DNAJC12: variants seen among roughly 807,000 people sequenced by gnomAD.
DNAJC12 encodes dnaJ homolog subfamily C member 12.
In DNAJC12, 25 loss-of-function variants were observed where a neutral mutation model predicts 28.5. That is an observed-to-expected ratio of 0.88 (90% CI 0.64 to 1.22). DNAJC12 has a LOEUF of 1.22. Among genes scored for constraint, DNAJC12 ranks in the 50% most tolerant of loss-of-function variants. The probability of loss-of-function intolerance (pLI) is 0.00; values close to 1 mark genes in which losing one functional copy is unlikely to be tolerated. For missense variants in DNAJC12, 222 were observed against 231.7 expected (o/e 0.96, Z 0.27); for synonymous variants, 77 against 80.6 (o/e 0.95, Z 0.24).
chr10:67,822,483 G>T (rs1841990230), intron 2 of DNAJC12, among the ~76,000 whole-genome samples: 1 of 151,822 alleles, frequency 6.6e-6, no homozygotes, highest in Non-Finnish European at 1.5e-5. Context: ...ATCAACTGTG[G>T]ACTTCCTTTT....
chr10:67,816,549 T>C (rs946865972), intron 2 of DNAJC12, among the ~76,000 whole-genome samples: 2 of 148,434 alleles, frequency 1.3e-5, no homozygotes, highest in African/African-American at 4.9e-5. Flanking sequence ...CTTTCTTTTT[T>C]TTTTTTTTTT....
intron 3 of DNAJC12, among the ~76,000 whole-genome samples, chr10:67,807,516 T>TA (rs1841815724): frequency 1.3e-5 from 2 of 152,232 alleles, no homozygotes; most frequent in African/African-American, 4.8e-5. Context: ...GACTTTTGTT[T>TA]GGTTGGTTTA....
At chr10:67,831,682 A>G (rs140826712) in intron 1 of DNAJC12, among the ~76,000 whole-genome samples, 3 of 152,332 alleles carry the variant, frequency 2.0e-5, no homozygotes, top group East Asian at 1.9e-4. Context: ...ATTGTTCTCA[A>G]ATTGTTTCCT....
chr10:67,814,267 G>T (rs1841891855), intron 2 of DNAJC12, among the ~76,000 whole-genome samples: 1 of 152,074 alleles, frequency 6.6e-6, no homozygotes, highest in Admixed American at 6.5e-5. Context: ...AAAAAAAATA[G>T]TCTTTTCAAC....
intron 1 of DNAJC12, among the ~76,000 whole-genome samples, chr10:67,827,982 G>A (rs1223907481): frequency 6.6e-6 from 1 of 152,084 alleles, no homozygotes; most frequent in Non-Finnish European, 1.5e-5. Context: ...CCTACTCCAT[G>A]TGACCACTGC....
intron 3 of DNAJC12, among the ~76,000 whole-genome samples, 165 bp from the exon 4 acceptor site, chr10:67,805,952 A>G (rs1841796433): frequency 6.6e-6 from 1 of 152,220 alleles, no homozygotes; most frequent in South Asian, 2.1e-4. Flanking sequence ...CCAGATATTA[A>G]TTAATCCAAC....
chr10:67,814,589 GA>G (rs747264648), intron 2 of DNAJC12, among the ~76,000 whole-genome samples: 29 of 152,054 alleles, frequency 1.9e-4, no homozygotes, highest in African/African-American at 6.8e-4. Context: ...CATGGAATGG[GA>G]AAAAATATCT....
intron 2 of DNAJC12, among the ~76,000 whole-genome samples, chr10:67,813,988 C>A (rs1298370665): frequency 6.9e-6 from 1 of 145,592 alleles, no homozygotes; most frequent in Non-Finnish European, 1.5e-5. Flanking sequence ...CAGAAATTGA[C>A]AATCTAGTCC....
chr10:67,816,567 G>A (rs116273200), intron 2 of DNAJC12, among the ~76,000 whole-genome samples: 3,201 of 134,084 alleles, frequency 0.024, 131 homozygotes, highest in African/African-American at 0.087. Context: ...TTTTTTTGAG[G>A]CAGAGTCTCT....
chr10:67,807,784 T>C (rs1312453544), intron 3 of DNAJC12, among the ~76,000 whole-genome samples: 1 of 152,222 alleles, frequency 6.6e-6, no homozygotes, highest in East Asian at 1.9e-4. Flanking sequence ...CTGTCTTAGA[T>C]AGGTTAGGAT....
At chr10:67,830,739 G>A (rs1370776801) in intron 1 of DNAJC12, among the ~76,000 whole-genome samples, 1 of 151,982 alleles carries the variant, frequency 6.6e-6, no homozygotes, top group Non-Finnish European at 1.5e-5. Context: ...AACTGTATGA[G>A]GTTAATACTA....
At chr10:67,816,886 G>A (rs1182213849) in intron 2 of DNAJC12, among the ~76,000 whole-genome samples, 1 of 152,046 alleles carries the variant, frequency 6.6e-6, no homozygotes, top group African/African-American at 2.4e-5. Context: ...AGTTAATATA[G>A]TGCTAATCTG....
chr10:67,824,709 G>GTTTTA (rs529612074), intron 1 of DNAJC12, among the ~76,000 whole-genome samples: 1 of 151,628 alleles, frequency 6.6e-6, no homozygotes, highest in South Asian at 2.1e-4. Flanking sequence ...TGACTGCTTG[G>GTTTTA]TTTTATTTTA....
chr10:67,826,629 C>A (rs1842033366), intron 1 of DNAJC12, among the ~76,000 whole-genome samples: 2 of 121,848 alleles, frequency 1.6e-5, no homozygotes, highest in African/African-American at 3.1e-5. Flanking sequence ...TTATATATAT[C>A]ATTATATATA....
intron 1 of DNAJC12, among the ~76,000 whole-genome samples, chr10:67,834,429 C>A (rs549279875): frequency 1.4e-4 from 22 of 152,172 alleles, no homozygotes; most frequent in African/African-American, 5.1e-4. Flanking sequence ...CACAACTTAG[C>A]GCTCTGCACC....
At chr10:67,797,437 T>C (rs749411990) in intron 4 of DNAJC12, among the ~76,000 whole-genome samples, 2 of 152,192 alleles carry the variant, frequency 1.3e-5, no homozygotes, top group East Asian at 1.9e-4. Flanking sequence ...CATGCTTAAA[T>C]ACTTAATAAG....
At position 67,811,568 on chromosome 10, in the gene DNAJC12, T is replaced by C. The variant is rs766941956; in HGVS notation, c.253A>G (p.Met85Val). The change falls in exon 3 of 5, where the codon ATG becomes GTG. Residue 85 changes from methionine to valine, a missense_variant. Transcript: ENST00000225171. ...YDHWRRSQMS[M>V]PFQQWEALND... Reference sequence around the variant, plus strand: ...AAAGCTTCCCACTGCTGGAATGGCATCGACATCTGGCTCCTTCGCCAGTGG... The same window carrying C: ...AAAGCTTCCCACTGCTGGAATGGCACCGACATCTGGCTCCTTCGCCAGTGG... 1 of 1,614,238 alleles carries C rather than the reference T, an allele frequency of 6.2e-7. No homozygotes were observed. Among genetic ancestry groups the C allele is most frequent in the South Asian group, 1.1e-5 (1 of 91,090 alleles).
At chr10:67,829,274 A>AG (rs1842067742) in intron 1 of DNAJC12, among the ~76,000 whole-genome samples, 1 of 152,186 alleles carries the variant, frequency 6.6e-6, no homozygotes, top group South Asian at 2.1e-4. Flanking sequence ...CTGAAGCCTT[A>AG]GAAACTCTTA....
intron 1 of DNAJC12, among the ~76,000 whole-genome samples, chr10:67,828,107 C>T (rs1842055026): frequency 6.6e-6 from 1 of 152,072 alleles, no homozygotes; most frequent in Non-Finnish European, 1.5e-5. Flanking sequence ...TGTAAACATA[C>T]AAAAAATTTT....
Sources: gnomAD v4.1 joint callset for allele counts (sites outside exome capture counted in the v4.1 genomes callset) on GRCh38, gnomAD v4.1.1 for gene constraint, MANE v1.5 for transcripts, NCBI Gene and HGNC (gene_info 2026-07-23, HGNC 2026-07-21) for gene names.